The following OR10J1 variants were observed in gnomAD, a reference collection of about 807,000 sequenced individuals.
OR10J1 encodes olfactory receptor 10J1.
For missense variants in OR10J1, 474 were observed against 376.6 expected, an observed-to-expected ratio of 1.26 and a Z score of -2.14; for synonymous variants, 202 against 143.8, an observed-to-expected ratio of 1.40 and a Z score of -2.89.
At chr1:159,415,204 T>C in the OR10J1 span, among the ~76,000 whole-genome samples, 2 of 152,120 alleles carry the variant, frequency 1.3e-5, no homozygotes, top group African/African-American at 4.8e-5. Flanking sequence ...TAGTTTTGGG[T>C]CTTACATTCA....
chr1:159,434,895 G>A (rs555257364), upstream of OR10J1, among the ~76,000 whole-genome samples: 3 of 152,224 alleles, frequency 2.0e-5, no homozygotes, highest in East Asian at 5.8e-4. Flanking sequence ...CTCTTGATAT[G>A]GACACAGAGC....
chr1:159,407,044 T>C, the OR10J1 span, among the ~76,000 whole-genome samples: 4 of 152,110 alleles, frequency 2.6e-5, no homozygotes, highest in Non-Finnish European at 5.9e-5. Flanking sequence ...AACAAACATT[T>C]CTGCAATAGA....
chr1:159,433,022 A>G, upstream of OR10J1: 1 of 445,140 alleles, frequency 2.2e-6, no homozygotes, highest in Non-Finnish European at 4.0e-6. Context: ...GGACAGACTT[A>G]TCTCTGTGAC....
upstream of OR10J1, among the ~76,000 whole-genome samples, chr1:159,435,770 A>G (rs574833275): frequency 1.2e-4 from 19 of 152,316 alleles, no homozygotes; most frequent in East Asian, 3.9e-4. Flanking sequence ...ACAAACTATA[A>G]TAAGAACTAC....
chr1:159,435,463 A>G (rs1276825236), upstream of OR10J1, among the ~76,000 whole-genome samples: 1 of 152,200 alleles, frequency 6.6e-6, no homozygotes, highest in Non-Finnish European at 1.5e-5. Context: ...TTCAGAACTT[A>G]TTTTTCCTAT....
chr1:159,406,716 A>G, the OR10J1 span, among the ~76,000 whole-genome samples: 1 of 152,166 alleles, frequency 6.6e-6, no homozygotes, highest in Non-Finnish European at 1.5e-5. Context: ...CAGGCACTTC[A>G]GCTTCCTCTA....
the OR10J1 span, among the ~76,000 whole-genome samples, chr1:159,429,541 T>C: frequency 6.6e-6 from 1 of 152,216 alleles, no homozygotes; most frequent in African/African-American, 2.4e-5. Context: ...ACTTCATTCC[T>C]GTGGGAAAAA....
At chr1:159,415,210 A>C in the OR10J1 span, among the ~76,000 whole-genome samples, 1 of 152,090 alleles carries the variant, frequency 6.6e-6, no homozygotes, top group Non-Finnish European at 1.5e-5. Context: ...TGGGTCTTAC[A>C]TTCAAGTCTT....
the OR10J1 span, among the ~76,000 whole-genome samples, chr1:159,427,158 T>G: frequency 1.3e-5 from 2 of 151,724 alleles, no homozygotes; most frequent in Admixed American, 1.3e-4. Context: ...CTACTACGGC[T>G]TCACAAAAAG....
the OR10J1 span, among the ~76,000 whole-genome samples, chr1:159,428,569 G>A: frequency 6.6e-6 from 1 of 152,136 alleles, no homozygotes; most frequent in Non-Finnish European, 1.5e-5. Flanking sequence ...GATAAGACTT[G>A]CTGCCCAACT....
chr1:159,419,360 C>T, the OR10J1 span, among the ~76,000 whole-genome samples: 20 of 152,212 alleles, frequency 1.3e-4, no homozygotes, highest in African/African-American at 4.6e-4. Flanking sequence ...GTGGGTCTTT[C>T]CCATGCTGTT....
chr1:159,431,032 T>TA, the OR10J1 span, among the ~76,000 whole-genome samples: 106 of 152,176 alleles, frequency 7.0e-4, 1 homozygote, highest in Non-Finnish European at 7.5e-4. Flanking sequence ...TTTAAATCTA[T>TA]AAAAAACCTT....
chr1:159,435,146 G>T (rs1329211358), upstream of OR10J1, among the ~76,000 whole-genome samples: 1 of 152,048 alleles, frequency 6.6e-6, no homozygotes, highest in Non-Finnish European at 1.5e-5. Context: ...TGTCTATGGG[G>T]CAATCACTCA....
chr1:159,430,671 G>GTGCGCGCA, the OR10J1 span, among the ~76,000 whole-genome samples: 8 of 149,688 alleles, frequency 5.3e-5, no homozygotes, highest in South Asian at 2.1e-4. Flanking sequence ...GTGTGTGTGC[G>GTGCGCGCA]CGCGCGCACA....
the OR10J1 span, among the ~76,000 whole-genome samples, chr1:159,425,498 T>C: frequency 6.6e-6 from 1 of 152,066 alleles, no homozygotes; most frequent in African/African-American, 2.4e-5. Context: ...ACTGTATCTA[T>C]AGAGAAAAGG....
the OR10J1 span, among the ~76,000 whole-genome samples, chr1:159,424,158 T>C: frequency 1.3e-5 from 2 of 151,408 alleles, no homozygotes; most frequent in Non-Finnish European, 2.9e-5. Context: ...GGAGGTTGTA[T>C]TGAGCAGAGA....
the OR10J1 span, among the ~76,000 whole-genome samples, chr1:159,407,528 G>A: frequency 6.6e-6 from 1 of 152,070 alleles, no homozygotes; most frequent in South Asian, 2.1e-4. Context: ...CATCAGCAGA[G>A]ATATTAAAGG....
At chr1:159,414,065 C>T in the OR10J1 span, among the ~76,000 whole-genome samples, 1 of 151,910 alleles carries the variant, frequency 6.6e-6, no homozygotes, top group Non-Finnish European at 1.5e-5. Context: ...TATCTATCAC[C>T]TTCAGTATTT....
chr1:159,411,643 T>C, the OR10J1 span, among the ~76,000 whole-genome samples: 1 of 152,166 alleles, frequency 6.6e-6, no homozygotes. Context: ...GAGTCTTGAC[T>C]CTTTATCCAA....
Sources: gnomAD v4.1 joint callset for allele counts (sites outside exome capture counted in the v4.1 genomes callset) on GRCh38, gnomAD v4.1.1 for gene constraint, MANE v1.5 for transcripts, NCBI Gene and HGNC (gene_info 2026-07-23, HGNC 2026-07-21) for gene names.